INPP4B: variants seen among roughly 807,000 people sequenced by gnomAD.
The protein encoded by INPP4B is inositol polyphosphate-4-phosphatase type II B.
In INPP4B, 55 loss-of-function variants were observed where a neutral mutation model predicts 122.5. The observed-to-expected ratio is 0.45, with a 90% CI of 0.36 to 0.56. The LOEUF (loss-of-function observed/expected upper bound fraction) is 0.56. Ranked by LOEUF, INPP4B falls within the 20% of genes least tolerant of loss-of-function variation. The probability of loss-of-function intolerance (pLI) is 0.00; values close to 1 mark genes in which losing one functional copy is unlikely to be tolerated. For missense variants in INPP4B, 1,000 were observed against 1,097.7 expected (o/e 0.91, Z 1.26); for synonymous variants, 403 against 388.7 (o/e 1.04, Z -0.43).
intron 23 of INPP4B, among the ~76,000 whole-genome samples, chr4:142,093,300 G>A (rs1016589837): frequency 6.6e-6 from 1 of 152,104 alleles, no homozygotes; most frequent in Non-Finnish European, 1.5e-5. Context: ...TCATCTGAAG[G>A]TCATGGACAT....
intron 9 of INPP4B, among the ~76,000 whole-genome samples, chr4:142,289,556 G>A (rs1425702781): frequency 1.3e-5 from 2 of 152,036 alleles, no homozygotes. Flanking sequence ...CCTTGGACAG[G>A]CCCCGTGTGT....
At chr4:142,629,002 A>AT (rs1281437036) in intron 2 of INPP4B, among the ~76,000 whole-genome samples, 1 of 151,994 alleles carries the variant, frequency 6.6e-6, no homozygotes, top group African/African-American at 2.4e-5. Flanking sequence ...ATTCTCACCC[A>AT]TTTTTTATGG....
chr4:142,085,371 A>G (rs888200727), intron 24 of INPP4B, among the ~76,000 whole-genome samples: 1 of 152,216 alleles, frequency 6.6e-6, no homozygotes, highest in Non-Finnish European at 1.5e-5. Context: ...ACACTGCAGA[A>G]ACTGCAAACA....
chr4:142,289,173 A>G (rs954395920), intron 9 of INPP4B, among the ~76,000 whole-genome samples: 3 of 152,166 alleles, frequency 2.0e-5, no homozygotes, highest in Non-Finnish European at 4.4e-5. Flanking sequence ...TTAGCAGTGA[A>G]TTTTTAAAAT....
chr4:142,487,780 C>T (rs2149767489), intron 2 of INPP4B, among the ~76,000 whole-genome samples: 1 of 152,208 alleles, frequency 6.6e-6, no homozygotes, highest in East Asian at 1.9e-4. Flanking sequence ...GGCCTTGCAT[C>T]CTATGGTCTT....
intron 3 of INPP4B, among the ~76,000 whole-genome samples, chr4:142,461,351 A>G (rs1291781887): frequency 6.6e-6 from 1 of 152,232 alleles, no homozygotes; most frequent in Non-Finnish European, 1.5e-5. Context: ...TATGATTCAG[A>G]TTAACTGAGA....
chr4:142,119,362 C>T (rs1795398405), intron 21 of INPP4B, among the ~76,000 whole-genome samples: 1 of 152,098 alleles, frequency 6.6e-6, no homozygotes. Context: ...TTTGTTGCGG[C>T]ACTATTCACA....
Position 142,202,747 on chromosome 4 carries a change from C to T in INPP4B, c.1072+5678G>A, listed in dbSNP as rs935429587. On this transcript the variant is annotated intron_variant, in intron 14 of 25. Transcript: ENST00000262992. ...TTAAGCTTCTTTTCATACCAATTTGCGGAATCCCACTTGAGATATCTGAAA... is the reference window on the plus strand; with the variant it reads ...TTAAGCTTCTTTTCATACCAATTTGTGGAATCCCACTTGAGATATCTGAAA... 24 of 983,214 alleles carry T rather than the reference C, an allele frequency of 2.4e-5. 1 individual carries two copies. Among genetic ancestry groups the T allele is most frequent in the South Asian group, 1.9e-4 (4 of 21,258 alleles). 60.9% of individuals were successfully genotyped at this position (983,214 alleles called of 1,614,324 possible).
intron 1 of INPP4B, among the ~76,000 whole-genome samples, chr4:142,819,418 A>C (rs553729950): frequency 6.6e-6 from 1 of 152,228 alleles, no homozygotes; most frequent in East Asian, 1.9e-4. Flanking sequence ...ACCAAGCAAC[A>C]AGGCAAGAAA....
chr4:142,300,031 A>T lies in INPP4B; in HGVS notation c.503+5427T>A, dbSNP rs539772115. ...CATCAACTTTATTTGTGTGCAAAAA[A>T]GTGTAGGAATAGAAAATCAAAAGTC... On this transcript the variant is annotated intron_variant, in intron 9 of 25. Coordinates refer to ENST00000262992, the MANE Select transcript of INPP4B (RefSeq NM_001101669.3). Among the ~76,000 whole-genome samples the T allele has an allele frequency of 7.2e-5, 11 of 152,328 alleles. No individual in the cohort carries two copies. In the East Asian group the frequency reaches 2.1e-3, roughly 29 times the overall value.
chr4:142,807,329 T>A (rs1778987279), intron 1 of INPP4B, among the ~76,000 whole-genome samples: 1 of 152,112 alleles, frequency 6.6e-6, no homozygotes, highest in Non-Finnish European at 1.5e-5. Context: ...AGAGGAACAT[T>A]CCAGGAGGAC....
chr4:142,427,762 C>T (rs556832481), intron 5 of INPP4B, among the ~76,000 whole-genome samples: 30 of 152,088 alleles, frequency 2.0e-4, no homozygotes, highest in Middle Eastern at 3.4e-3. Context: ...CTTCACTTTT[C>T]AGAAGTGCTG....
intron 21 of INPP4B, among the ~76,000 whole-genome samples, chr4:142,115,960 G>A (rs1793076912): frequency 6.6e-6 from 1 of 152,078 alleles, no homozygotes; most frequent in Admixed American, 6.6e-5. Context: ...TAAAGGGATG[G>A]AGGAAGATCT....
rs1410875568 is a variant in INPP4B at position 142,495,750 on chromosome 4, T to G, written c.-190-33024A>C. 3.3e-5 allele frequency among the ~76,000 whole-genome samples: 5 copies of G among 152,304 alleles called. No individual in the cohort carries two copies. In the East Asian group the frequency reaches 9.6e-4, roughly 29 times the overall value. ...ACTGTGACTTTCAGAGGCTTTTGCT[T>G]TAGCACTTTAGTTTCATTCAAAACC... is the stretch of plus-strand genomic sequence containing the variant. On this transcript the variant is annotated intron_variant, in intron 2 of 25. Coordinates refer to ENST00000262992, the MANE Select transcript of INPP4B (RefSeq NM_001101669.3).
intron 1 of INPP4B, among the ~76,000 whole-genome samples, chr4:142,809,210 T>C (rs1421482767): frequency 6.6e-6 from 1 of 152,110 alleles, no homozygotes; most frequent in African/African-American, 2.4e-5. Flanking sequence ...GATTCCAAAA[T>C]ATAATTTTAT....
intron 1 of INPP4B, among the ~76,000 whole-genome samples, chr4:142,748,576 A>C (rs565723957): frequency 6.6e-6 from 1 of 152,008 alleles, no homozygotes; most frequent in Non-Finnish European, 1.5e-5. Flanking sequence ...TTAAATGGAT[A>C]ATAAAATATA....
intron 10 of INPP4B, among the ~76,000 whole-genome samples, chr4:142,266,137 C>G (rs1346895689): frequency 6.6e-6 from 1 of 152,082 alleles, no homozygotes; most frequent in East Asian, 1.9e-4. Flanking sequence ...TCCGAATCCT[C>G]CTTCCTTGAT....
intron 2 of INPP4B, among the ~76,000 whole-genome samples, chr4:142,590,894 A>AAAAAAAC (rs1553964627): frequency 4.3e-4 from 64 of 150,334 alleles, no homozygotes; most frequent in African/African-American, 1.5e-3. Context: ...AAAAAAAAAA[A>AAAAAAAC]AAAAAACAAA....
intron 25 of INPP4B, among the ~76,000 whole-genome samples, chr4:142,073,075 C>A (rs1019825363): frequency 3.9e-5 from 6 of 151,966 alleles, no homozygotes; most frequent in Admixed American, 2.6e-4. Context: ...GCAGTGATTA[C>A]CCCTAAATAA....
Sources: gnomAD v4.1 joint callset for allele counts (sites outside exome capture counted in the v4.1 genomes callset) on GRCh38, gnomAD v4.1.1 for gene constraint, MANE v1.5 for transcripts, NCBI Gene and HGNC (gene_info 2026-07-23, HGNC 2026-07-21) for gene names.